ATP2B2: variants seen among roughly 807,000 people sequenced by gnomAD.
ATP2B2 encodes the protein ATPase plasma membrane Ca2+ transporting 2.
Under a neutral mutation model 120.0 loss-of-function variants are expected in ATP2B2, and 15 were observed. The observed-to-expected ratio is 0.12, with a 90% CI of 0.08 to 0.19. The LOEUF (loss-of-function observed/expected upper bound fraction) is 0.19, where lower values mean the gene tolerates loss of function less well. Ranked by LOEUF, ATP2B2 falls within the 10% of genes least tolerant of loss-of-function variation. The pLI is 1.00. For synonymous variants in ATP2B2, 694 were observed against 700.3 expected (o/e 0.99, Z 0.14); for missense variants, 1,045 against 1,719.8 (o/e 0.61, Z 6.94).
chr3:10,388,001 C>T (rs113905814), intron 6 of ATP2B2: 86 of 438,834 alleles, frequency 2.0e-4, no homozygotes, highest in African/African-American at 1.6e-3. Flanking sequence ...AGGCTGGAGA[C>T]TCAACAACAT....
intron 5 of ATP2B2, among the ~76,000 whole-genome samples, chr3:10,394,272 GAC>G (rs1254847565): frequency 6.6e-6 from 1 of 152,136 alleles, no homozygotes; most frequent in African/African-American, 2.4e-5. Context: ...TCCCAGCCCA[GAC>G]ACAGTCCTTC....
At chr3:10,571,107 G>A (rs182762460) in intron 2 of ATP2B2, among the ~76,000 whole-genome samples, 30 of 152,358 alleles carry the variant, frequency 2.0e-4, no homozygotes, top group African/African-American at 6.7e-4. Context: ...TGGGGGAAAG[G>A]TGGAAGTTTG....
At chr3:10,559,772 G>C (rs201949789) in intron 2 of ATP2B2, among the ~76,000 whole-genome samples, 2 of 152,334 alleles carry the variant, frequency 1.3e-5, no homozygotes, top group East Asian at 3.9e-4. Flanking sequence ...CATCCAAGGA[G>C]ACACAAGTTC....
intron 18 of ATP2B2, among the ~76,000 whole-genome samples, chr3:10,344,915 C>T (rs2060387189): frequency 6.6e-6 from 1 of 152,206 alleles, no homozygotes; most frequent in Non-Finnish European, 1.5e-5. Flanking sequence ...CAGTTATCCC[C>T]ACCTAGCACC....
chr3:10,580,911 C>A (rs143505714), intron 2 of ATP2B2, among the ~76,000 whole-genome samples: 2 of 152,222 alleles, frequency 1.3e-5, no homozygotes, highest in Non-Finnish European at 2.9e-5. Flanking sequence ...TGAATCATTG[C>A]GACAGAAGTC....
chr3:10,518,825 G>T (rs1220438434), intron 3 of ATP2B2, among the ~76,000 whole-genome samples: 2 of 152,222 alleles, frequency 1.3e-5, no homozygotes, highest in African/African-American at 4.8e-5. Context: ...CTCTGTCGGG[G>T]ACAGGTGTGG....
intron 1 of ATP2B2, among the ~76,000 whole-genome samples, chr3:10,664,518 G>T (rs1445799932): frequency 1.3e-5 from 2 of 152,188 alleles, no homozygotes; most frequent in Non-Finnish European, 2.9e-5. Context: ...ACCTCTGGAA[G>T]GCTCCTTGGT....
chr3:10,506,101 G>A (rs569956013), upstream of ATP2B2, among the ~76,000 whole-genome samples: 1 of 152,170 alleles, frequency 6.6e-6, no homozygotes, highest in East Asian at 1.9e-4. Flanking sequence ...TTGCAGTCAA[G>A]GCACCCCCAG....
chr3:10,327,986 C>G lies in ATP2B2; in HGVS notation c.*828G>C, dbSNP rs1463130001. The G allele has an allele frequency of 6.6e-6, 1 of 152,558 alleles. No homozygotes were observed. Among genetic ancestry groups the G allele is most frequent in the Non-Finnish European group, 1.5e-5 (1 of 68,020 alleles). 9.5% of individuals were successfully genotyped at this position (152,558 alleles called of 1,614,324 possible). A position where few individuals can be genotyped will look rare whatever the true frequency, so the allele number is the denominator to read the frequency against. ...CAGTGTTCTTAAACCATACAAATAG[C>G]CAAAGACGTTATCTACAGGTTTGTA... On this transcript the variant is annotated 3_prime_UTR_variant, in exon 23 of 23. Coordinates refer to ENST00000360273, the MANE Select transcript of ATP2B2 (RefSeq NM_001001331.4).
At chr3:10,677,862 C>T (rs997132662) in intron 1 of ATP2B2, among the ~76,000 whole-genome samples, 21 of 152,246 alleles carry the variant, frequency 1.4e-4, no homozygotes, top group South Asian at 8.3e-4. Flanking sequence ...AGTAAGCTTT[C>T]GAGCCATAAA....
At chr3:10,461,716 C>T (rs1341586349) in intron 1 of ATP2B2, among the ~76,000 whole-genome samples, 2 of 152,100 alleles carry the variant, frequency 1.3e-5, no homozygotes, top group African/African-American at 4.8e-5. Flanking sequence ...CCTGTTCCTC[C>T]ATCTCTAGGC....
At chr3:10,621,126 C>A (rs1451348049) in intron 1 of ATP2B2, among the ~76,000 whole-genome samples, 2 of 152,212 alleles carry the variant, frequency 1.3e-5, no homozygotes, top group Non-Finnish European at 2.9e-5. Context: ...TGGCACCCCA[C>A]CCTTGCTACC....
intron 2 of ATP2B2, among the ~76,000 whole-genome samples, chr3:10,423,646 T>C (rs1414082956): frequency 2.0e-5 from 3 of 152,232 alleles, no homozygotes; most frequent in Non-Finnish European, 4.4e-5. Flanking sequence ...GGGGCCTCCA[T>C]GGTTGAGCGC....
intron 2 of ATP2B2, among the ~76,000 whole-genome samples, chr3:10,617,693 T>G (rs79449420): frequency 0.023 from 3,569 of 152,352 alleles, 95 homozygotes; most frequent in South Asian, 0.15. Flanking sequence ...CTGAGAGTGC[T>G]GGTCTTCACA....
At chr3:10,371,437 C>A (rs1028636159) in intron 12 of ATP2B2, among the ~76,000 whole-genome samples, 1 of 152,204 alleles carries the variant, frequency 6.6e-6, no homozygotes, top group Non-Finnish European at 1.5e-5. Context: ...CTGAACCCAG[C>A]TTGAATTGCT....
intron 1 of ATP2B2, among the ~76,000 whole-genome samples, chr3:10,480,196 C>A (rs923468830): frequency 6.6e-6 from 1 of 152,206 alleles, no homozygotes; most frequent in Non-Finnish European, 1.5e-5. Context: ...TTTGGGTTTT[C>A]TGAGAACTTA....
intron 1 of ATP2B2, among the ~76,000 whole-genome samples, chr3:10,677,677 A>G (rs763164539): frequency 6.6e-6 from 1 of 152,130 alleles, no homozygotes; most frequent in African/African-American, 2.4e-5. Flanking sequence ...CTTCCTTTCA[A>G]TTTTGCTGTG....
intron 1 of ATP2B2, among the ~76,000 whole-genome samples, chr3:10,502,554 G>A (rs2066437468): frequency 1.3e-5 from 2 of 152,214 alleles, no homozygotes; most frequent in South Asian, 2.1e-4. Flanking sequence ...CCTTGGACAA[G>A]TCCCTGTGCC....
chr3:10,658,081 C>T (rs1398366007), intron 1 of ATP2B2, among the ~76,000 whole-genome samples: 1 of 152,190 alleles, frequency 6.6e-6, no homozygotes, highest in African/African-American at 2.4e-5. Flanking sequence ...GACATTCACA[C>T]CAAAACCCCA....
Sources: gnomAD v4.1 joint callset for allele counts (sites outside exome capture counted in the v4.1 genomes callset) on GRCh38, gnomAD v4.1.1 for gene constraint, MANE v1.5 for transcripts, NCBI Gene and HGNC (gene_info 2026-07-23, HGNC 2026-07-21) for gene names.